The following CCDC187 variants were observed in gnomAD, a reference collection of about 807,000 sequenced individuals.
CCDC187 encodes the protein coiled-coil domain-containing protein 187.
Under a neutral mutation model 38.0 loss-of-function variants are expected in CCDC187, and 32 were observed. The ratio of observed to expected loss-of-function variants is 0.84; its 90% CI spans 0.64 to 1.13. The LOEUF is 1.13. Ranked by LOEUF, CCDC187 falls within the 50% of genes most tolerant of loss-of-function variation. The pLI, the probability that CCDC187 is intolerant of heterozygous loss-of-function variation, is 0.00. For missense variants in CCDC187, 707 were observed against 786.8 expected (o/e 0.90, Z 1.21); for synonymous variants, 333 against 347.9 (o/e 0.96, Z 0.48).
rs542057578 is a variant in CCDC187 at position 136,257,591 on chromosome 9, G to A, written c.4367-750C>T. ...GGATCACAAAGGGGGACAAAGGGAC[G>A]GGTGGGGCCACCGCAGAGCCCTCCC... On this transcript the variant is annotated intron_variant, in intron 22 of 25. Coordinates refer to ENST00000638797, the MANE Select transcript of CCDC187 (RefSeq NM_001378188.1). This position sits in a 1 kb window ranked among gnomAD's most constrained non-coding sequence, Gnocchi z 4.5. Among the ~76,000 whole-genome samples the A allele has an allele frequency of 7.9e-5, 12 of 152,228 alleles. No individual in the cohort carries two copies. Among genetic ancestry groups the A allele is most frequent in the African/African-American group, 2.4e-4 (10 of 41,542 alleles).
In CCDC187 at chr9:136,298,189, C is replaced by T. The variant is rs978881995; in HGVS notation, c.725-368G>A. On this transcript the variant is annotated intron_variant, in intron 3 of 25. Transcript: ENST00000638797. ...TGAATCCAGCACCCAGCTGGGGGCC[C>T]GGGCCATGGGCACTCAGGACTGTTT... 1.2e-4 allele frequency among the ~76,000 whole-genome samples: 19 copies of T among 152,270 alleles called. No individual in the cohort carries two copies. The East Asian group carries it at 1.9e-3, about 15-fold the overall frequency.
chr9:136,268,157 T>G, intron 14 of CCDC187, 32 bp from the exon 15 acceptor site: 1 of 984,808 alleles, frequency 1.0e-6, no homozygotes, highest in Non-Finnish European at 1.2e-6. Context: ...TTGGGTCATG[T>G]AGGGGGTCTG....
Position 136,258,587 on chromosome 9 carries a change from A to G in CCDC187, c.4366+345T>C. 1.6e-6 allele frequency: 1 copy of G among 644,072 alleles called. No individual in the cohort carries two copies. The highest frequency in any genetic ancestry group is 1.9e-6 in the Non-Finnish European group (1 of 518,190). The allele number at this position is 644,072 out of a possible 1,614,324, so 39.9% of individuals were successfully genotyped here. On this transcript the variant is annotated intron_variant, in intron 22 of 25. Coordinates refer to ENST00000638797, the MANE Select transcript of CCDC187 (RefSeq NM_001378188.1). This position sits in a 1 kb window ranked among gnomAD's most constrained non-coding sequence, Gnocchi z 4.3. The stretch of plus-strand genomic sequence containing the variant: ...TAAGGTTCAGAAAGAGAAAAATGTA[A>G]TCGGTGCAGAAACCTCCGTCAGCTG...
At position 136,276,699 on chromosome 9, in the gene CCDC187, G is replaced by A. The variant is rs950310628; in HGVS notation, c.3069C>T (p.Cys1023=). Residue 1023 remains cysteine (C), a synonymous_variant, in exon 11 of 26, where the codon TGC becomes TGT. Transcript: ENST00000638797. ...AGGTCTTCTGTTGGGTGTTGGGAAG[G>A]CATCTCACACATGGGTCCTCCTGCT... ...CGQQEDPCVR[C]LPNTQQKTSS... 54 of 152,320 alleles carry A rather than the reference G, an allele frequency of 3.5e-4. No individual in the cohort carries two copies. Among genetic ancestry groups the A allele is most frequent in the Middle Eastern group, 6.8e-3 (2 of 296 alleles). The allele number at this position is 152,320 out of a possible 1,614,324, so 9.4% of individuals were successfully genotyped here. A position where few individuals can be genotyped will look rare whatever the true frequency, so the allele number is the denominator to read the frequency against.
At chr9:136,268,803 T>G (rs147444039) in intron 14 of CCDC187, among the ~76,000 whole-genome samples, 4 of 152,226 alleles carry the variant, frequency 2.6e-5, no homozygotes, top group African/African-American at 9.6e-5. Flanking sequence ...TGAGGCAACA[T>G]AGCACAGTGA....
At chr9:136,289,184 A>G (rs904180821) in intron 7 of CCDC187, among the ~76,000 whole-genome samples, 11 of 152,144 alleles carry the variant, frequency 7.2e-5, no homozygotes, top group Admixed American at 2.0e-4. Flanking sequence ...GAGAAGCCAG[A>G]CCCGTACTTG....
chr9:136,262,229 C>G (rs1554761068), intron 19 of CCDC187, 82 bp downstream of exon 19: 1 of 982,076 alleles, frequency 1.0e-6, no homozygotes, highest in Non-Finnish European at 1.2e-6. Flanking sequence ...CGTCCACCGG[C>G]CACCCGGGGC....
intron 7 of CCDC187, among the ~76,000 whole-genome samples, chr9:136,289,518 CAAAAAAAAAAAAA>C (rs878962393): frequency 1.8e-4 from 12 of 67,296 alleles, no homozygotes; most frequent in South Asian, 1.7e-3. Flanking sequence ...AACTCCATCT[CAAAAAAAAAAAAA>C]AAAAAAAAAA....
chr9:136,281,417 T>C (rs1831038095), intron 10 of CCDC187, 134 bp downstream of exon 10: 1 of 398,292 alleles, frequency 2.5e-6, no homozygotes, highest in East Asian at 3.6e-5. Flanking sequence ...GAGGCGTGGA[T>C]GCTCTCCACG....
At chr9:136,292,632 C>T (rs947842376) in intron 4 of CCDC187, among the ~76,000 whole-genome samples, 1 of 152,220 alleles carries the variant, frequency 6.6e-6, no homozygotes, top group African/African-American at 2.4e-5. Flanking sequence ...ACAGGCCGGG[C>T]ACGCAGCACA....
chr9:136,282,917 G>T (rs1176703312), intron 9 of CCDC187, among the ~76,000 whole-genome samples: 23 of 152,228 alleles, frequency 1.5e-4, no homozygotes, highest in African/African-American at 5.5e-4. Context: ...TGAGTGCTGG[G>T]CTCCCATGGG....
intron 4 of CCDC187, among the ~76,000 whole-genome samples, chr9:136,297,255 AGGTGCCCTGAGCTACG>A (rs1186974016): frequency 6.8e-6 from 1 of 146,094 alleles, no homozygotes; most frequent in Non-Finnish European, 1.5e-5. Flanking sequence ...CATGGGGTGT[AGGTGCCCTGAGCTACG>A]GGTGCCGTGA....
intron 10 of CCDC187, among the ~76,000 whole-genome samples, chr9:136,280,734 A>G (rs1831022618): frequency 6.6e-6 from 1 of 152,092 alleles, no homozygotes; most frequent in African/African-American, 2.4e-5. Context: ...TCCCCCTGGC[A>G]CTGGCCCTGC....
intron 4 of CCDC187, among the ~76,000 whole-genome samples, chr9:136,292,676 G>C (rs1285311460): frequency 6.6e-6 from 1 of 152,218 alleles, no homozygotes; most frequent in African/African-American, 2.4e-5. Flanking sequence ...GCAGCAGCTG[G>C]AGTGACAACC....
At chr9:136,275,480 A>G (rs1564314170) in intron 12 of CCDC187, among the ~76,000 whole-genome samples, 1 of 152,116 alleles carries the variant, frequency 6.6e-6, no homozygotes, top group Non-Finnish European at 1.5e-5. Context: ...ACACGCGTGC[A>G]CACACCCACA....
chr9:136,299,668 C>G (rs1352869876), intron 3 of CCDC187, among the ~76,000 whole-genome samples: 5 of 152,224 alleles, frequency 3.3e-5, no homozygotes, highest in African/African-American at 1.2e-4. Context: ...GCTCCTGCCC[C>G]CTCCATCCTA....
intron 2 of CCDC187, among the ~76,000 whole-genome samples, chr9:136,301,314 AAAAC>A (rs1423236219): frequency 0.048 from 7,235 of 151,716 alleles, 210 homozygotes; most frequent in Admixed American, 0.096. Context: ...CTGCCTTAAA[AAAAC>A]AAAGTCACAA....
Position 136,291,585 on chromosome 9 carries a change from G to A in CCDC187, c.1028C>T (p.Ala343Val). The A allele has an allele frequency of 2.5e-6, 1 of 398,796 alleles. No homozygotes were observed. Among genetic ancestry groups the A allele is most frequent in the South Asian group, 1.3e-4 (1 of 7,868 alleles). 24.7% of individuals were successfully genotyped at this position (398,796 alleles called of 1,614,324 possible). A position where few individuals can be genotyped will look rare whatever the true frequency, so the allele number is the denominator to read the frequency against. The change falls in exon 6 of 26, where the codon GCC becomes GTC. Residue 343 changes from alanine to valine, a missense_variant. Coordinates refer to ENST00000638797, the MANE Select transcript of CCDC187 (RefSeq NM_001378188.1). The part of the protein sequence containing the change: ...CSPVCAQLPD[A>V]TSAYSDQQVS... ...CTGCTGGTCACTGTAGGCGGAGGTG[G>A]CATCGGGCAACTGGGCACAAACCGG...
chr9:136,260,660 C>A (rs1016686816), intron 19 of CCDC187, among the ~76,000 whole-genome samples: 1 of 152,094 alleles, frequency 6.6e-6, no homozygotes, highest in Non-Finnish European at 1.5e-5. Flanking sequence ...GCCTGCCCGG[C>A]GACACGTCGT....
Sources: gnomAD v4.1 joint callset for allele counts (sites outside exome capture counted in the v4.1 genomes callset) on GRCh38, gnomAD v4.1.1 for gene constraint, Gnocchi (gnomAD v3.1) non-coding constraint, MANE v1.5 for transcripts, NCBI Gene and HGNC (gene_info 2026-07-23, HGNC 2026-07-21) for gene names.